ATP2B2: variants seen among roughly 807,000 people sequenced by gnomAD.
ATP2B2 encodes the protein plasma membrane calcium-transporting ATPase 2.
A neutral mutation model predicts 120.0 loss-of-function variants in ATP2B2; 15 were observed. That is an observed-to-expected ratio of 0.12 (90% CI 0.08 to 0.19). The LOEUF (loss-of-function observed/expected upper bound fraction) is 0.19. Among genes scored for constraint, ATP2B2 ranks in the 10% least tolerant of loss-of-function variants. ATP2B2 has a pLI of 1.00. For synonymous variants in ATP2B2, 694 were observed against 700.3 expected (o/e 0.99, Z 0.14); for missense variants, 1,045 against 1,719.8 (o/e 0.61, Z 6.94).
At chr3:10,688,775 T>C (rs1422531508) in intron 1 of ATP2B2, among the ~76,000 whole-genome samples, 3 of 152,194 alleles carry the variant, frequency 2.0e-5, no homozygotes, top group Non-Finnish European at 4.4e-5. Context: ...TAACTACCCC[T>C]GGACACTGGA....
At chr3:10,555,217 G>GCCAGGC (rs1296280153) in intron 2 of ATP2B2, among the ~76,000 whole-genome samples, 2 of 152,236 alleles carry the variant, frequency 1.3e-5, no homozygotes, top group African/African-American at 4.8e-5. Flanking sequence ...ATTTCTCTCA[G>GCCAGGC]CCAGGCCCAG....
chr3:10,702,483 A>G (rs1278901235), intron 1 of ATP2B2, among the ~76,000 whole-genome samples: 2 of 152,220 alleles, frequency 1.3e-5, no homozygotes, highest in African/African-American at 4.8e-5. Context: ...CACTTACCCA[A>G]GATCACAGCG....
intron 12 of ATP2B2, among the ~76,000 whole-genome samples, chr3:10,371,308 C>A (rs1337425399): frequency 6.6e-6 from 1 of 152,244 alleles, no homozygotes; most frequent in Non-Finnish European, 1.5e-5. Context: ...CAGGGATGAG[C>A]CAGCCCAGCT....
intron 5 of ATP2B2, among the ~76,000 whole-genome samples, chr3:10,392,959 A>G (rs936321344): frequency 6.6e-6 from 1 of 152,244 alleles, no homozygotes; most frequent in Non-Finnish European, 1.5e-5. Flanking sequence ...AGAGGCCGGC[A>G]GAGGCCCGTG....
chr3:10,629,476 G>A (rs1462692891), intron 1 of ATP2B2, among the ~76,000 whole-genome samples: 1 of 152,216 alleles, frequency 6.6e-6, no homozygotes, highest in Non-Finnish European at 1.5e-5. Flanking sequence ...CACATTTCCC[G>A]CCGAGGGCCT....
rs572319074 is a variant in ATP2B2 at position 10,423,529 on chromosome 3, T to C, written c.200-12714A>G. ...CATATTCCCTCTGTATCAACCTCAC[T>C]GAAGAGATCTGGTTCAGCATGCCCA... On this transcript the variant is annotated intron_variant, in intron 2 of 22. Coordinates refer to ENST00000360273, the MANE Select transcript of ATP2B2 (RefSeq NM_001001331.4). 4.0e-3 allele frequency among the ~76,000 whole-genome samples: 611 copies of C among 152,282 alleles called. 3 individuals are homozygous for C. Among genetic ancestry groups the C allele is most frequent in the Non-Finnish European group, 7.2e-3 (487 of 68,008 alleles).
At chr3:10,565,274 T>A (rs747737327) in intron 2 of ATP2B2, among the ~76,000 whole-genome samples, 1 of 152,184 alleles carries the variant, frequency 6.6e-6, no homozygotes, top group Non-Finnish European at 1.5e-5. Flanking sequence ...TGCAGCAACC[T>A]AGCCTTTATT....
intron 3 of ATP2B2, 130 bp downstream of exon 3, chr3:10,410,488 G>T: frequency 8.3e-7 from 1 of 1,206,196 alleles, no homozygotes; most frequent in African/African-American, 1.5e-5. Context: ...TATGGGTGGG[G>T]CCCTGCCCCT....
At chr3:10,414,140 T>A (rs2062704138) in intron 2 of ATP2B2, among the ~76,000 whole-genome samples, 1 of 152,158 alleles carries the variant, frequency 6.6e-6, no homozygotes, top group African/African-American at 2.4e-5. Context: ...TGGTGCAAAT[T>A]AAGGTTTTTG....
intron 2 of ATP2B2, among the ~76,000 whole-genome samples, chr3:10,591,698 T>C (rs2068647595): frequency 6.6e-6 from 1 of 152,230 alleles, no homozygotes; most frequent in Admixed American, 6.5e-5. Flanking sequence ...ATAACTATAA[T>C]GCCAAGAATT....
chr3:10,670,180 C>T (rs555171200), intron 1 of ATP2B2, among the ~76,000 whole-genome samples: 2 of 152,286 alleles, frequency 1.3e-5, no homozygotes, highest in Admixed American at 1.3e-4. Flanking sequence ...TATTCCAGCA[C>T]GGTAATGATG....
intron 1 of ATP2B2, among the ~76,000 whole-genome samples, chr3:10,477,981 G>A (rs762975132): frequency 7.9e-5 from 12 of 152,106 alleles, no homozygotes; most frequent in Non-Finnish European, 8.8e-5. Context: ...CACAGCAGCC[G>A]CACCATTTTA....
At position 10,400,962 on chromosome 3, in the gene ATP2B2, G is replaced by A; in HGVS notation, c.772C>T (p.Leu258=). The change falls in exon 5 of 23, where the codon CTG becomes TTG. Residue 258 remains leucine (L), a synonymous_variant. Transcript: ENST00000360273. ...TCAGGCTGAAGCTCACCTGACAGCAGCATGGGGTCCTTGTCCACGGACTTG... is the reference window on the plus strand; with the variant it reads ...TCAGGCTGAAGCTCACCTGACAGCAACATGGGGTCCTTGTCCACGGACTTG... The part of the protein sequence containing the change: ...VRKSVDKDPM[L]LSGTHVMEGS... 6.2e-7 allele frequency: 1 copy of A among 1,614,104 alleles called. No individual in the cohort carries two copies. Among genetic ancestry groups the A allele is most frequent in the East Asian group, 2.2e-5 (1 of 44,882 alleles).
intron 2 of ATP2B2, among the ~76,000 whole-genome samples, chr3:10,539,739 T>G (rs911747226): frequency 2.0e-5 from 3 of 152,176 alleles, no homozygotes; most frequent in Non-Finnish European, 4.4e-5. Context: ...AATACTTAAA[T>G]GTTAGACCTA....
intron 2 of ATP2B2, among the ~76,000 whole-genome samples, chr3:10,537,511 AT>A (rs61233127): frequency 0.22 from 32,802 of 150,146 alleles, 4,492 homozygotes; most frequent in East Asian, 0.45. Flanking sequence ...ATGAAAATAC[AT>A]TTTTTTTTTG....
chr3:10,643,217 A>G (rs1437707740), intron 1 of ATP2B2, among the ~76,000 whole-genome samples: 1 of 152,218 alleles, frequency 6.6e-6, no homozygotes, highest in Non-Finnish European at 1.5e-5. Context: ...TCTCTGGGGA[A>G]CAAAACCCTG....
chr3:10,415,616 A>G (rs993892916), intron 2 of ATP2B2, among the ~76,000 whole-genome samples: 1 of 152,196 alleles, frequency 6.6e-6, no homozygotes, highest in Non-Finnish European at 1.5e-5. Flanking sequence ...CCAGGAGCTG[A>G]ATCTTGTGGT....
At chr3:10,698,715 G>A (rs567226631) in intron 1 of ATP2B2, among the ~76,000 whole-genome samples, 2 of 152,336 alleles carry the variant, frequency 1.3e-5, no homozygotes, top group African/African-American at 2.4e-5. Flanking sequence ...CTGGAGGCAC[G>A]AGCCAGCCTG....
rs1575346992 is a variant in ATP2B2, at chr3:10,476,124, C to T, written c.-319-26262G>A. On this transcript the variant is annotated intron_variant, in intron 1 of 22. Coordinates refer to ENST00000360273, the MANE Select transcript of ATP2B2 (RefSeq NM_001001331.4). ...AGCAAGTTTCTCTGTCTGCAAAATT[C>T]GCATAATCATATCACCCCCAAAAGA... Among the ~76,000 whole-genome samples, 7 of 149,224 alleles carry T rather than the reference C, an allele frequency of 4.7e-5. No individual in the cohort carries two copies. In the South Asian group the frequency reaches 8.7e-4, roughly 19 times the overall value.
Sources: allele counts gnomAD v4.1 joint callset (sites outside exome capture counted in the v4.1 genomes callset), GRCh38; gene constraint gnomAD v4.1.1; transcripts MANE v1.5; gene names NCBI Gene and HGNC (gene_info 2026-07-23, HGNC 2026-07-21).